CCR3: variants seen among roughly 807,000 people sequenced by gnomAD.
The protein encoded by CCR3 is C-C motif chemokine receptor 3, also known as C-C chemokine receptor type 3.
For missense variants in CCR3, 419 were observed against 437.5 expected (o/e 0.96, Z 0.38); for synonymous variants, 203 against 179.2 (o/e 1.13, Z -1.06).
intron 2 of CCR3, among the ~76,000 whole-genome samples, chr3:46,229,150 C>T (rs771427524): frequency 9.2e-5 from 14 of 152,094 alleles, no homozygotes; most frequent in Non-Finnish European, 1.9e-4. Context: ...GTGATATGAG[C>T]GATTTCCAGG....
upstream of CCR3, among the ~76,000 whole-genome samples, chr3:46,241,972 A>G (rs1199334777): frequency 6.6e-6 from 1 of 152,090 alleles, no homozygotes; most frequent in Non-Finnish European, 1.5e-5. Context: ...GTCTCTACTA[A>G]AAATACAAAA....
intron 2 of CCR3, among the ~76,000 whole-genome samples, chr3:46,236,361 C>G (rs548413756): frequency 6.6e-6 from 1 of 152,370 alleles, no homozygotes; most frequent in African/African-American, 2.4e-5. Flanking sequence ...GCTGCCCTCA[C>G]CATGGTGGTG....
chr3:46,239,445 T>C (rs147394026), upstream of CCR3, among the ~76,000 whole-genome samples: 127 of 152,336 alleles, frequency 8.3e-4, no homozygotes, highest in African/African-American at 3.0e-3. Flanking sequence ...TGCTTCATCT[T>C]AGCCAAAATT....
chr3:46,258,484 G>A (rs1160477966), intron 1 of CCR3, among the ~76,000 whole-genome samples: 3 of 152,120 alleles, frequency 2.0e-5, no homozygotes, highest in Admixed American at 2.0e-4. Flanking sequence ...TCAAGAATAT[G>A]ATCAGCACTG....
chr3:46,253,251 G>T (rs1700352513), intron 1 of CCR3, among the ~76,000 whole-genome samples: 1 of 152,064 alleles, frequency 6.6e-6, no homozygotes, highest in African/African-American at 2.4e-5. Flanking sequence ...ACCTCACATG[G>T]CACCCATTTC....
At chr3:46,259,783 C>T (rs1343296324) in intron 1 of CCR3, among the ~76,000 whole-genome samples, 2 of 152,144 alleles carry the variant, frequency 1.3e-5, no homozygotes, top group African/African-American at 4.8e-5. Flanking sequence ...AGATTTAAAG[C>T]ACTTGATTAA....
chr3:46,256,542 A>C (rs1700428792), intron 1 of CCR3, among the ~76,000 whole-genome samples: 1 of 152,190 alleles, frequency 6.6e-6, no homozygotes, highest in Admixed American at 6.5e-5. Context: ...TAAAAACACA[A>C]CAGAACACTT....
At chr3:46,229,749 A>T (rs767386200) in intron 2 of CCR3, among the ~76,000 whole-genome samples, 2 of 152,220 alleles carry the variant, frequency 1.3e-5, no homozygotes, top group Non-Finnish European at 2.9e-5. Context: ...GTTGTTTAAA[A>T]CAACAACAGA....
At chr3:46,231,634 T>C (rs1699967261) in intron 2 of CCR3, among the ~76,000 whole-genome samples, 1 of 152,028 alleles carries the variant, frequency 6.6e-6, no homozygotes, top group South Asian at 2.1e-4. Flanking sequence ...GTTAAAGTAA[T>C]AATCTTGATA....
chr3:46,212,239 A>G lies in CCR3; in HGVS notation c.-68+1332A>G, dbSNP rs182535357. Among the ~76,000 whole-genome samples the G allele has an allele frequency of 7.2e-4, 110 of 152,238 alleles. No individual in the cohort carries two copies. In the South Asian group the frequency reaches 0.018, roughly 25 times the overall value. ...CCTTTTAGGTTCGGTGGCTACATGA[A>G]TAGGTTAATTTGGTGGTGCCGTGAT... On this transcript the variant is annotated intron_variant, in intron 2 of 3. Coordinates refer to the CCR3 transcript ENST00000357422.
At chr3:46,252,238 C>T (rs1043333946) in intron 1 of CCR3, among the ~76,000 whole-genome samples, 14 of 143,128 alleles carry the variant, frequency 9.8e-5, no homozygotes, top group Non-Finnish European at 1.8e-4. Context: ...TGGAGTGGCA[C>T]GATCTCAGCT....
upstream of CCR3, chr3:46,242,354 G>T (rs547639898): frequency 6.6e-6 from 1 of 152,208 alleles, no homozygotes; most frequent in South Asian, 2.1e-4. Context: ...TACTTACATT[G>T]TTTACTACTT....
At chr3:46,256,916 A>G (rs937869143) in intron 1 of CCR3, among the ~76,000 whole-genome samples, 1 of 150,900 alleles carries the variant, frequency 6.6e-6, no homozygotes, top group Non-Finnish European at 1.5e-5. Context: ...CAAAAAGGAC[A>G]TCTGTTTATT....
At chr3:46,229,861 A>T (rs1389777002) in intron 2 of CCR3, among the ~76,000 whole-genome samples, 1 of 152,178 alleles carries the variant, frequency 6.6e-6, no homozygotes, top group Non-Finnish European at 1.5e-5. Context: ...GAGAAAAAAA[A>T]ACAGCATAGG....
At chr3:46,242,047 C>T (rs553034568), upstream of CCR3, among the ~76,000 whole-genome samples, 54 of 151,856 alleles carry the variant, frequency 3.6e-4, no homozygotes, top group Middle Eastern at 3.4e-3. Context: ...GCAGGAAAAT[C>T]CCTTGAACCC....
At position 46,265,521 on chromosome 3, in the gene CCR3, C is replaced by A; in HGVS notation, c.363C>A (p.Ile121=). 1 of 1,614,106 alleles carries A rather than the reference C, an allele frequency of 6.2e-7. No individual in the cohort carries two copies. The highest frequency in any genetic ancestry group is 8.5e-7 in the Non-Finnish European group (1 of 1,180,000). ...GFYHTGLYSE[I]FFIILLTIDR... is the part of the protein sequence containing the mutation. ...ATCACACAGGCTTGTACAGCGAGAT[C>A]TTTTTCATAATCCTGCTGACAATCG... Residue 121 remains isoleucine, a synonymous_variant, in exon 2 of 2, where the codon ATC becomes ATA. Transcript: ENST00000395940.
At chr3:46,248,094 A>G (rs1215772350) in intron 1 of CCR3, among the ~76,000 whole-genome samples, 1 of 135,402 alleles carries the variant, frequency 7.4e-6, no homozygotes, top group African/African-American at 2.5e-5. Context: ...AACAGGAAAG[A>G]AGGAGATATG....
At chr3:46,251,626 A>G (rs1700315565) in intron 1 of CCR3, among the ~76,000 whole-genome samples, 1 of 152,198 alleles carries the variant, frequency 6.6e-6, no homozygotes, top group South Asian at 2.1e-4. Flanking sequence ...ATCCTTGTGA[A>G]GAGACCACCA....
At chr3:46,255,102 C>T (rs537703762) in intron 1 of CCR3, among the ~76,000 whole-genome samples, 124 of 151,890 alleles carry the variant, frequency 8.2e-4, no homozygotes, top group Non-Finnish European at 1.6e-3. Flanking sequence ...CAAGAGTAGG[C>T]AGTATCACAT....
Sources: gnomAD v4.1 joint callset for allele counts (sites outside exome capture counted in the v4.1 genomes callset) on GRCh38, gnomAD v4.1.1 for gene constraint, MANE v1.5 for transcripts, NCBI Gene and HGNC (gene_info 2026-07-23, HGNC 2026-07-21) for gene names.